The following STPG2 variants were observed in gnomAD, a reference collection of about 807,000 sequenced individuals.
STPG2 encodes sperm-tail PG-rich repeat-containing protein 2.
Under a neutral mutation model 54.2 loss-of-function variants are expected in STPG2, and 56 were observed. That is an observed-to-expected ratio of 1.03 (90% CI 0.83 to 1.29). The LOEUF is 1.29. Among genes scored for constraint, STPG2 ranks in the 50% most tolerant of loss-of-function variants. The probability of loss-of-function intolerance (pLI) is 0.00; values close to 1 mark genes in which losing one functional copy is unlikely to be tolerated. For synonymous variants in STPG2, 200 were observed against 181.8 expected, an observed-to-expected ratio of 1.10 and a Z score of -0.81; for missense variants, 596 against 544.9, an observed-to-expected ratio of 1.09 and a Z score of -0.93.
At chr4:98,019,134 G>C (rs868708954) in intron 5 of STPG2, among the ~76,000 whole-genome samples, 2 of 152,282 alleles carry the variant, frequency 1.3e-5, no homozygotes, top group East Asian at 3.9e-4. Flanking sequence ...TTTTCTTCTA[G>C]ACTTTTTATG....
At chr4:97,615,321 A>G (rs1182903285) in intron 10 of STPG2, among the ~76,000 whole-genome samples, 1 of 152,166 alleles carries the variant, frequency 6.6e-6, no homozygotes, top group Non-Finnish European at 1.5e-5. Context: ...TTCAAAATAC[A>G]CATTTTTCAT....
intron 9 of STPG2, among the ~76,000 whole-genome samples, chr4:97,731,964 G>A (rs1164031666): frequency 1.3e-5 from 2 of 152,174 alleles, no homozygotes; most frequent in Non-Finnish European, 2.9e-5. Flanking sequence ...ACTAAGGCAG[G>A]GCAGTGGAGG....
intron 10 of STPG2, among the ~76,000 whole-genome samples, chr4:97,626,053 C>T (rs1309259472): frequency 6.6e-6 from 1 of 152,144 alleles, no homozygotes; most frequent in Non-Finnish European, 1.5e-5. Flanking sequence ...CTGAAGTTAT[C>T]ATATGGGCAA....
intron 4 of STPG2, among the ~76,000 whole-genome samples, chr4:97,516,730 A>C (rs973262190): frequency 2.6e-5 from 4 of 151,150 alleles, no homozygotes; most frequent in Non-Finnish European, 5.9e-5. Context: ...CCGGAGGCTA[A>C]GGCAGGAGAA....
intron 4 of STPG2, among the ~76,000 whole-genome samples, chr4:97,484,659 T>C (rs1730309365): frequency 6.6e-6 from 1 of 151,818 alleles, no homozygotes; most frequent in African/African-American, 2.4e-5. Context: ...CCAATCCTTT[T>C]GACACTATTC....
In STPG2 at chr4:98,077,021, G is replaced by A. The variant is rs555106015; in HGVS notation, c.612+28932C>T. The stretch of plus-strand genomic sequence containing the variant: ...TCTCAAGTATCTTCAGCGACCCCTC[G>A]AGATTCCTGATGTCCTTTCAGATAA... On this transcript the variant is annotated intron_variant, in intron 5 of 10. Coordinates refer to ENST00000295268, the MANE Select transcript of STPG2 (RefSeq NM_174952.3). 1.4e-4 allele frequency among the ~76,000 whole-genome samples: 21 copies of A among 151,818 alleles called. No homozygotes were observed. In the South Asian group the frequency reaches 4.4e-3, roughly 32 times the overall value.
intron 2 of STPG2, among the ~76,000 whole-genome samples, chr4:98,131,227 ACT>A (rs1321447335): frequency 6.6e-6 from 1 of 151,876 alleles, no homozygotes; most frequent in East Asian, 1.9e-4. Flanking sequence ...CCCTCCAAAG[ACT>A]CTCTACTTTG....
chr4:97,652,342 G>C (rs1285223039), intron 10 of STPG2, among the ~76,000 whole-genome samples: 3 of 151,682 alleles, frequency 2.0e-5, no homozygotes. Flanking sequence ...ACAATATCAA[G>C]CACCTTGTTT....
chr4:97,843,758 T>C (rs1156872432), intron 8 of STPG2, among the ~76,000 whole-genome samples: 1 of 151,912 alleles, frequency 6.6e-6, no homozygotes, highest in Non-Finnish European at 1.5e-5. Context: ...CCTGTTTGTA[T>C]TTTGGCAAAA....
At chr4:97,476,022 TTGTCCA>T (rs1476234429) in intron 4 of STPG2, among the ~76,000 whole-genome samples, 6 of 152,206 alleles carry the variant, frequency 3.9e-5, no homozygotes, top group Non-Finnish European at 8.8e-5. Context: ...GGAAGAAATA[TTGTCCA>T]TCTCTCTCAT....
Position 98,086,714 on chromosome 4 carries a change from T to C in STPG2, c.612+19239A>G, listed in dbSNP as rs1266071657. Among the ~76,000 whole-genome samples, 3 of 147,218 alleles carry C rather than the reference T, an allele frequency of 2.0e-5. No individual in the cohort carries two copies. The East Asian group carries it at 6.0e-4, about 29-fold the overall frequency. Reference sequence around the variant, plus strand: ...GTGCCCTGCACAAATCTAAGCAGTTTCCAGTCTTAACCATTGTCCTGATGA... The same window carrying C: ...GTGCCCTGCACAAATCTAAGCAGTTCCCAGTCTTAACCATTGTCCTGATGA... On this transcript the variant is annotated intron_variant, in intron 5 of 10. Coordinates refer to ENST00000295268, the MANE Select transcript of STPG2 (RefSeq NM_174952.3).
At chr4:97,941,968 AAAG>A (rs1560601524) in intron 8 of STPG2, among the ~76,000 whole-genome samples, 2 of 151,916 alleles carry the variant, frequency 1.3e-5, no homozygotes, top group Admixed American at 1.3e-4. Flanking sequence ...AGAACACTAA[AAAG>A]AAGTTTTCAG....
chr4:97,846,662 T>C (rs974877784), intron 8 of STPG2, among the ~76,000 whole-genome samples: 1 of 140,160 alleles, frequency 7.1e-6, no homozygotes, highest in African/African-American at 2.7e-5. Context: ...GAAGGCAACA[T>C]GGAGGGCACA....
intron 9 of STPG2, among the ~76,000 whole-genome samples, chr4:97,724,260 C>T (rs1012819299): frequency 1.3e-5 from 2 of 151,908 alleles, no homozygotes; most frequent in African/African-American, 2.4e-5. Flanking sequence ...TATATGAGAT[C>T]ATTAATTTCT....
At chr4:97,514,500 T>C (rs2148842877) in intron 4 of STPG2, among the ~76,000 whole-genome samples, 1 of 152,198 alleles carries the variant, frequency 6.6e-6, no homozygotes, top group East Asian at 1.9e-4. Flanking sequence ...ACTTCTAATT[T>C]CTCATGAAGA....
At chr4:97,923,559 C>G (rs1732211945) in intron 8 of STPG2, among the ~76,000 whole-genome samples, 1 of 152,238 alleles carries the variant, frequency 6.6e-6, no homozygotes, top group East Asian at 1.9e-4. Context: ...CACTCTGTAT[C>G]TAGCTCAAGG....
At chr4:98,082,961 G>A (rs1217224863) in intron 5 of STPG2, among the ~76,000 whole-genome samples, 1 of 151,928 alleles carries the variant, frequency 6.6e-6, no homozygotes, top group Non-Finnish European at 1.5e-5. Flanking sequence ...CTTCTACTCT[G>A]GATCTCTCCA....
At chr4:98,056,601 T>C (rs1167922033) in intron 5 of STPG2, among the ~76,000 whole-genome samples, 1 of 150,694 alleles carries the variant, frequency 6.6e-6, no homozygotes, top group Non-Finnish European at 1.5e-5. Flanking sequence ...CCTTATACCA[T>C]CAAACCCTCC....
At chr4:97,811,303 A>G (rs770230883) in intron 9 of STPG2, among the ~76,000 whole-genome samples, 2 of 152,180 alleles carry the variant, frequency 1.3e-5, no homozygotes, top group Non-Finnish European at 2.9e-5. Context: ...AGTCTCAGAA[A>G]ATGACTGGTT....
Sources: gnomAD v4.1 joint callset for allele counts (sites outside exome capture counted in the v4.1 genomes callset) on GRCh38, gnomAD v4.1.1 for gene constraint, MANE v1.5 for transcripts, NCBI Gene and HGNC (gene_info 2026-07-23, HGNC 2026-07-21) for gene names.